ALG14: variants seen among roughly 807,000 people sequenced by gnomAD.
ALG14 encodes the protein ALG14 UDP-N-acetylglucosaminyltransferase subunit.
In ALG14, 17 loss-of-function variants were observed where a neutral mutation model predicts 22.8. That is an observed-to-expected ratio of 0.75 (90% confidence interval 0.51 to 1.12). The LOEUF is 1.12. Among genes scored for constraint, ALG14 ranks in the 50% most tolerant of loss-of-function variants. The probability of loss-of-function intolerance (pLI) is 0.00; values close to 1 mark genes in which losing one functional copy is unlikely to be tolerated. For missense variants in ALG14, 288 were observed against 271.8 expected, an observed-to-expected ratio of 1.06 and a Z score of -0.42; for synonymous variants, 89 against 103.7, an observed-to-expected ratio of 0.86 and a Z score of 0.86.
At chr1:95,014,954 G>C (rs1335986407) in intron 3 of ALG14, among the ~76,000 whole-genome samples, 1 of 152,222 alleles carries the variant, frequency 6.6e-6, no homozygotes, top group African/African-American at 2.4e-5. Flanking sequence ...GCTTCATTAT[G>C]ATTCCTAACC....
intron 2 of ALG14, among the ~76,000 whole-genome samples, chr1:95,055,782 G>A (rs1674905634): frequency 7.6e-6 from 1 of 130,826 alleles, no homozygotes; most frequent in African/African-American, 2.9e-5. Flanking sequence ...CACGAGGTCA[G>A]CAGATTGAGA....
chr1:95,044,477 C>T (rs941822221), intron 2 of ALG14, among the ~76,000 whole-genome samples: 6 of 152,214 alleles, frequency 3.9e-5, no homozygotes, highest in African/African-American at 1.4e-4. Flanking sequence ...CACTCTCCTC[C>T]AGGGACCAGG....
rs143410523 is a variant in ALG14, at chr1:95,011,027, C to T, written c.420+16102G>A. Among the ~76,000 whole-genome samples, 128 of 152,222 alleles carry T rather than the reference C, an allele frequency of 8.4e-4. 1 individual carries two copies. In the East Asian group the frequency reaches 0.024, roughly 28 times the overall value. The stretch of plus-strand genomic sequence containing the variant: ...TTTAGAATACTGTGTGTTGACCTGG[C>T]CTCACTATAATCAGAAAGTCAACTC... On this transcript the variant is annotated intron_variant, in intron 3 of 3. Transcript: ENST00000370205.
intron 3 of ALG14, among the ~76,000 whole-genome samples, chr1:95,005,844 A>G (rs924336538): frequency 6.6e-6 from 1 of 152,184 alleles, no homozygotes; most frequent in East Asian, 1.9e-4. Flanking sequence ...ACATTCTGCA[A>G]TACTTGGGAC....
At chr1:95,059,397 CAAAA>C (rs67569341) in intron 2 of ALG14, among the ~76,000 whole-genome samples, 1 of 78,586 alleles carries the variant, frequency 1.3e-5, no homozygotes, top group Non-Finnish European at 2.3e-5. Context: ...GACTCTGTCT[CAAAA>C]AAAAAAAAAA....
chr1:95,028,673 G>GTTGGGTGC (rs143897590), intron 2 of ALG14, among the ~76,000 whole-genome samples: 42,590 of 151,810 alleles, frequency 0.28, 6,599 homozygotes, highest in African/African-American at 0.42. Flanking sequence ...ACAAAAAATA[G>GTTGGGTGC]CTGTAGTCTC....
At chr1:95,061,665 T>G (rs1675157746) in intron 2 of ALG14, 1 of 152,256 alleles carries the variant, frequency 6.6e-6, no homozygotes, top group African/African-American at 2.4e-5. Flanking sequence ...CCTCTCTTCC[T>G]GTACATTATC....
intron 3 of ALG14, among the ~76,000 whole-genome samples, chr1:95,005,429 C>T (rs1161507017): frequency 2.7e-5 from 4 of 146,504 alleles, no homozygotes; most frequent in African/African-American, 1.1e-4. Context: ...CTATGACCTA[C>T]TGGTCACAGG....
chr1:94,978,129 T>C lies in ALG14; in HGVS notation c.*4947A>G, dbSNP rs1672430207. On this transcript the variant is annotated 3_prime_UTR_variant, in exon 4 of 4. Transcript: ENST00000370205. ...CCCAGGCTGGAGTGCAGTGGTGCCA[T>C]CTCAGTTCACTGCAACCTCCACCTC... The C allele has an allele frequency of 6.6e-6, 1 of 151,536 alleles. No homozygotes were observed. The highest frequency in any genetic ancestry group is 1.5e-5 in the Non-Finnish European group (1 of 67,922). The allele number at this position is 151,536 out of a possible 1,614,324, so 9.4% of individuals were successfully genotyped here. A position where few individuals can be genotyped will look rare whatever the true frequency, so the allele number is the denominator to read the frequency against.
intron 3 of ALG14, among the ~76,000 whole-genome samples, chr1:94,985,355 C>T (rs1392598310): frequency 2.6e-5 from 4 of 152,188 alleles, no homozygotes; most frequent in Non-Finnish European, 5.9e-5. Flanking sequence ...TCTTACTTAG[C>T]GTGCTTCGCA....
At chr1:95,059,581 T>C (rs1023858245) in intron 2 of ALG14, among the ~76,000 whole-genome samples, 1 of 151,908 alleles carries the variant, frequency 6.6e-6, no homozygotes, top group African/African-American at 2.4e-5. Context: ...GAGGGGCCCT[T>C]TGTTTTGAAT....
intron 2 of ALG14, among the ~76,000 whole-genome samples, chr1:95,052,828 G>C (rs943004242): frequency 6.8e-6 from 1 of 147,328 alleles, no homozygotes; most frequent in African/African-American, 2.5e-5. Context: ...CTGCACTCCT[G>C]CTTGGGCACC....
rs1345169234 is a variant in ALG14 at position 95,072,845 on chromosome 1, T to C, written c.54A>G (p.Leu18=). The C allele has an allele frequency of 6.2e-7, 1 of 1,614,100 alleles. No individual in the cohort carries two copies. The highest frequency in any genetic ancestry group is 8.5e-7 in the Non-Finnish European group (1 of 1,180,010). The change falls in exon 1 of 4, where the codon CTA becomes CTG. Residue 18 remains leucine, a synonymous_variant. Coordinates refer to ENST00000370205, the MANE Select transcript of ALG14 (RefSeq NM_144988.4). ...AAAAGAVAVF[L]ILRIWVVLRS... is the part of the protein sequence containing the mutation. The stretch of plus-strand genomic sequence containing the variant: ...GAAGCACTACCCATATTCGCAGGAT[T>C]AGGAAAACCGCCACAGCTCCTGCGG...
At chr1:95,052,363 C>T (rs958720278) in intron 2 of ALG14, among the ~76,000 whole-genome samples, 1 of 151,946 alleles carries the variant, frequency 6.6e-6, no homozygotes, top group Admixed American at 6.6e-5. Context: ...GGTATAAACA[C>T]AAATTAGAAC....
chr1:95,011,178 C>T (rs529768567), intron 3 of ALG14, among the ~76,000 whole-genome samples: 272 of 152,242 alleles, frequency 1.8e-3, no homozygotes, highest in African/African-American at 6.1e-3. Context: ...CTCACCTCCA[C>T]GGTGATGATA....
chr1:95,008,133 GA>G lies in ALG14; in HGVS notation c.420+18995del, dbSNP rs1285157512. Among the ~76,000 whole-genome samples, 3 of 152,136 alleles carry G rather than the reference GA, an allele frequency of 2.0e-5. No individual in the cohort carries two copies. In the East Asian group the frequency reaches 5.8e-4, roughly 29 times the overall value. Reference sequence around the variant, plus strand: ...TTATTCTGGTGGAGCTGTCAGCCATGAAACAGAACAAGCTAACAAATGGTGT... The same window carrying G: ...TTATTCTGGTGGAGCTGTCAGCCATGAACAGAACAAGCTAACAAATGGTGT... On this transcript the variant is annotated intron_variant, in intron 3 of 3. Transcript: ENST00000370205.
intron 3 of ALG14, among the ~76,000 whole-genome samples, chr1:94,998,501 C>A (rs1376714963): frequency 6.6e-6 from 1 of 152,160 alleles, no homozygotes; most frequent in Non-Finnish European, 1.5e-5. Context: ...GTGCTAAAAT[C>A]CATGTTAAAA....
chr1:95,026,511 TGTGA>T (rs1282045437), intron 3 of ALG14, among the ~76,000 whole-genome samples: 77 of 151,866 alleles, frequency 5.1e-4, no homozygotes, highest in African/African-American at 1.4e-3. Flanking sequence ...TGTATGTGTG[TGTGA>T]GACAGAGAGA....
At chr1:95,065,954 A>C (rs1478415793) in intron 1 of ALG14, among the ~76,000 whole-genome samples, 7 of 152,194 alleles carry the variant, frequency 4.6e-5, no homozygotes, top group Admixed American at 4.6e-4. Flanking sequence ...ATTTAAGCAC[A>C]ACAGTCAAAC....
Sources: gnomAD v4.1 joint callset for allele counts (sites outside exome capture counted in the v4.1 genomes callset) on GRCh38, gnomAD v4.1.1 for gene constraint, MANE v1.5 for transcripts, NCBI Gene and HGNC (gene_info 2026-07-23, HGNC 2026-07-21) for gene names.